PHTF2: variants seen among roughly 807,000 people sequenced by gnomAD.
The protein encoded by PHTF2 is protein PHTF2.
PHTF2 carries 60 observed loss-of-function variants against 101.2 expected under a neutral mutation model. The ratio of observed to expected loss-of-function variants is 0.59; its 90% confidence interval spans 0.48 to 0.73. PHTF2 has a LOEUF of 0.73. PHTF2 is among the 30% of genes least tolerant of loss of function. PHTF2 has a pLI of 0.00. For synonymous variants in PHTF2, 311 were observed against 307.3 expected (o/e 1.01, Z -0.13); for missense variants, 747 against 908.7 (o/e 0.82, Z 2.29).
chr7:77,918,205 C>T (rs1259841197), intron 9 of PHTF2, among the ~76,000 whole-genome samples: 4 of 152,032 alleles, frequency 2.6e-5, no homozygotes, highest in Admixed American at 6.6e-5. Flanking sequence ...CCTACCCTCA[C>T]CCCCCTACCA....
intron 1 of PHTF2, among the ~76,000 whole-genome samples, chr7:77,823,553 T>C (rs1049276220): frequency 1.3e-5 from 2 of 152,252 alleles, no homozygotes; most frequent in Admixed American, 1.3e-4. Flanking sequence ...AGTGGAGTTA[T>C]TTGAACACCA....
chr7:77,806,872 T>G (rs952166224), intron 1 of PHTF2, among the ~76,000 whole-genome samples: 1 of 152,168 alleles, frequency 6.6e-6, no homozygotes, highest in Non-Finnish European at 1.5e-5. Context: ...AAAAAACTAC[T>G]TCATATATTT....
At chr7:77,891,772 A>T (rs148993846) in intron 3 of PHTF2, among the ~76,000 whole-genome samples, 1 of 151,920 alleles carries the variant, frequency 6.6e-6, no homozygotes, top group Non-Finnish European at 1.5e-5. Flanking sequence ...TTTTTTGTAG[A>T]GACAGGTCTC....
At chr7:77,830,657 C>T (rs1470195349) in intron 1 of PHTF2, among the ~76,000 whole-genome samples, 2 of 152,132 alleles carry the variant, frequency 1.3e-5, no homozygotes. Flanking sequence ...GGAGCAGCTG[C>T]GAATACAGAT....
At chr7:77,953,159 T>C (rs1806702669) in intron 18 of PHTF2, among the ~76,000 whole-genome samples, 1 of 152,180 alleles carries the variant, frequency 6.6e-6, no homozygotes, top group Non-Finnish European at 1.5e-5. Context: ...CAGGAGCACC[T>C]TCCTCTATGG....
At chr7:77,903,193 T>A (rs1203679932) in intron 7 of PHTF2, among the ~76,000 whole-genome samples, 1 of 152,202 alleles carries the variant, frequency 6.6e-6, no homozygotes, top group African/African-American at 2.4e-5. Flanking sequence ...AGCTGATTGC[T>A]ATTTTTTGCT....
chr7:77,901,618 C>T (rs1185510945), intron 6 of PHTF2, 144 bp from the exon 6 acceptor site: 1 of 404,676 alleles, frequency 2.5e-6, no homozygotes, highest in Non-Finnish European at 4.4e-6. Context: ...TTTAAAGTAT[C>T]TATAAATTGG....
At chr7:77,945,441 G>A (rs1805969010) in intron 16 of PHTF2, among the ~76,000 whole-genome samples, 1 of 151,424 alleles carries the variant, frequency 6.6e-6, no homozygotes, top group African/African-American at 2.4e-5. Flanking sequence ...TCAGATACAA[G>A]GAAGTTTATA....
chr7:77,803,876 G>C (rs1050833245), intron 1 of PHTF2, among the ~76,000 whole-genome samples: 1 of 152,072 alleles, frequency 6.6e-6, no homozygotes, highest in African/African-American at 2.4e-5. Flanking sequence ...TATAGGAAGA[G>C]AGCTTCACAT....
At chr7:77,809,446 C>T (rs971666670) in intron 1 of PHTF2, among the ~76,000 whole-genome samples, 7 of 151,900 alleles carry the variant, frequency 4.6e-5, no homozygotes, top group Non-Finnish European at 1.0e-4. Context: ...AGGCTCGTCA[C>T]GAATTCCTGA....
chr7:77,890,599 CTTTTTTTTTTTTTTT>C (rs747882978), intron 3 of PHTF2, among the ~76,000 whole-genome samples: 2 of 84,208 alleles, frequency 2.4e-5, no homozygotes, highest in African/African-American at 9.8e-5. Context: ...AATAGTTACA[CTTTTTTTTTTTTTTT>C]TTTTTTTTTG....
At chr7:77,805,743 G>A (rs1240992803) in intron 1 of PHTF2, among the ~76,000 whole-genome samples, 3 of 152,192 alleles carry the variant, frequency 2.0e-5, no homozygotes, top group East Asian at 1.9e-4. Flanking sequence ...ACTTGATTTC[G>A]CTCTGGTCAA....
chr7:77,803,416 C>A (rs532312815), intron 1 of PHTF2, among the ~76,000 whole-genome samples: 27 of 152,140 alleles, frequency 1.8e-4, no homozygotes, highest in Non-Finnish European at 3.1e-4. Flanking sequence ...GTTACAGATA[C>A]CAGAAAATTT....
Position 77,945,789 on chromosome 7 carries a change from C to A in PHTF2, c.1959+3003C>A, listed in dbSNP as rs142383948. 4.1e-3 allele frequency among the ~76,000 whole-genome samples: 629 copies of A among 152,154 alleles called. 3 individuals carry two copies. The highest frequency in any genetic ancestry group is 0.01 in the Admixed American group (153 of 15,264). On this transcript the variant is annotated intron_variant, in intron 16 of 19. Transcript: ENST00000416283. ...ACGGACTCAAAAAGTAATTGAAAACCTGAAGAGATCTGTAACTGTAAGTAG... is the reference window on the plus strand; with the variant it reads ...ACGGACTCAAAAAGTAATTGAAAACATGAAGAGATCTGTAACTGTAAGTAG...
intron 1 of PHTF2, among the ~76,000 whole-genome samples, chr7:77,822,939 C>G (rs1584399429): frequency 7.1e-6 from 1 of 141,184 alleles, no homozygotes; most frequent in Non-Finnish European, 1.5e-5. Context: ...GAGTCTCGCT[C>G]TGTCGCCCAG....
In PHTF2 at chr7:77,929,294, GA is replaced by G; in HGVS notation, c.1311del (p.Glu438AsnfsTer22). Reference sequence around the variant, plus strand: ...AAAATCATCAGATTAATCCATGTGTGAAAAAAGAATATAGAGATGACCCTTT... The same window carrying G: ...AAAATCATCAGATTAATCCATGTGTGAAAAAGAATATAGAGATGACCCTTT... On this transcript the variant is annotated frameshift_variant, in exon 12 of 20. Transcript: ENST00000416283. LOFTEE classifies it high-confidence loss of function. The G allele has an allele frequency of 1.2e-6, 2 of 1,609,550 alleles. No homozygotes were observed. The highest frequency in any genetic ancestry group is 1.7e-6 in the Non-Finnish European group (2 of 1,176,174).
chr7:77,822,863 A>G (rs1230589777), intron 1 of PHTF2, among the ~76,000 whole-genome samples: 1 of 150,678 alleles, frequency 6.6e-6, no homozygotes, highest in African/African-American at 2.4e-5. Context: ...CTAGTCAGTC[A>G]TCTTATTGAT....
intron 9 of PHTF2, among the ~76,000 whole-genome samples, chr7:77,918,055 T>A (rs1393152449): frequency 1.3e-5 from 2 of 152,120 alleles, no homozygotes; most frequent in Non-Finnish European, 2.9e-5. Context: ...CTGAAAGGTA[T>A]CATATGGGAT....
chr7:77,846,469 T>C (rs909943511), intron 2 of PHTF2, among the ~76,000 whole-genome samples: 5 of 152,222 alleles, frequency 3.3e-5, no homozygotes, highest in Admixed American at 1.3e-4. Flanking sequence ...TATAATGATA[T>C]GAAATAGAGG....
Sources: gnomAD v4.1 joint callset for allele counts (sites outside exome capture counted in the v4.1 genomes callset) on GRCh38, gnomAD v4.1.1 for gene constraint, MANE v1.5 for transcripts, NCBI Gene and HGNC (gene_info 2026-07-23, HGNC 2026-07-21) for gene names.